SRGAP3: variants seen among roughly 807,000 people sequenced by gnomAD.
SRGAP3 encodes SLIT-ROBO Rho GTPase-activating protein 3.
Under a neutral mutation model 121.1 loss-of-function variants are expected in SRGAP3, and 39 were observed. The ratio of observed to expected loss-of-function variants is 0.32; its 90% CI spans 0.25 to 0.42. The LOEUF (loss-of-function observed/expected upper bound fraction) is 0.42. Among genes scored for constraint, SRGAP3 ranks in the 10% least tolerant of loss-of-function variants. SRGAP3 has a pLI of 1.00. For synonymous variants in SRGAP3, 601 were observed against 570.0 expected (o/e 1.05, Z -0.77); for missense variants, 1,213 against 1,470.6 (o/e 0.82, Z 2.86).
Position 9,106,669 on chromosome 3 carries a change from T to C in SRGAP3, c.261-1827A>G, listed in dbSNP as rs150143628. Among the ~76,000 whole-genome samples, 3 of 152,242 alleles carry C rather than the reference T, an allele frequency of 2.0e-5. No homozygotes were observed. The East Asian group carries it at 5.8e-4, about 29-fold the overall frequency. On this transcript the variant is annotated intron_variant, in intron 2 of 21. Transcript: ENST00000383836. The stretch of plus-strand genomic sequence containing the variant: ...GCTTATCAGGGGTTTCTGCTTTTGC[T>C]TCCTCCTCATTTTCTCTTGCCACCA...
intron 3 of SRGAP3, among the ~76,000 whole-genome samples, chr3:9,095,225 C>T (rs1947920770): frequency 2.0e-5 from 3 of 151,846 alleles, no homozygotes; most frequent in African/African-American, 7.3e-5. Context: ...ATATCTTCTC[C>T]TTGTCTTGGC....
intron 8 of SRGAP3, among the ~76,000 whole-genome samples, chr3:9,055,226 G>A (rs947473635): frequency 4.6e-5 from 7 of 152,152 alleles, no homozygotes; most frequent in African/African-American, 1.4e-4. Context: ...ATTTGTCCTA[G>A]GTCTGTCCTT....
chr3:9,261,202 C>T (rs1954249035), intron 3 of SRGAP3, among the ~76,000 whole-genome samples: 1 of 152,160 alleles, frequency 6.6e-6, no homozygotes, highest in Non-Finnish European at 1.5e-5. Flanking sequence ...AGGTCACCAA[C>T]ATCAAAGGCC....
intron 4 of SRGAP3, among the ~76,000 whole-genome samples, chr3:9,070,340 C>A (rs1413389294): frequency 1.2e-5 from 1 of 86,344 alleles, no homozygotes; most frequent in Non-Finnish European, 3.4e-5. Context: ...CAGTGGCTCA[C>A]TGCTTCCAGC....
intron 1 of SRGAP3, among the ~76,000 whole-genome samples, chr3:9,360,776 A>T (rs1382910192): frequency 1.3e-5 from 2 of 152,218 alleles, no homozygotes; most frequent in African/African-American, 2.4e-5. Flanking sequence ...TGATTCAATC[A>T]TCTCCCACTG....
chr3:9,349,977 AG>A (rs1454341956), intron 1 of SRGAP3: 1 of 152,062 alleles, frequency 6.6e-6, no homozygotes, highest in Non-Finnish European at 1.5e-5. Flanking sequence ...ATCATGTTCT[AG>A]TTGCTTGGCC....
intron 21 of SRGAP3, 147 bp downstream of exon 21, chr3:8,990,365 A>C (rs946097158): frequency 3.8e-6 from 4 of 1,041,404 alleles, no homozygotes; most frequent in Non-Finnish European, 4.2e-6. Context: ...AAGCCCAGCA[A>C]GGGACGGGGA....
At chr3:9,018,870 C>T (rs1219893098) in intron 14 of SRGAP3, among the ~76,000 whole-genome samples, 1 of 152,164 alleles carries the variant, frequency 6.6e-6, no homozygotes, top group East Asian at 1.9e-4. Flanking sequence ...ACCTTTTAAC[C>T]ATTTTCATTC....
chr3:9,299,414 C>T (rs369934914), intron 3 of SRGAP3, among the ~76,000 whole-genome samples: 2 of 151,606 alleles, frequency 1.3e-5, no homozygotes, highest in African/African-American at 4.8e-5. Flanking sequence ...TAGTAGACAT[C>T]CAGCCCCAAC....
At position 9,024,840 on chromosome 3, in the gene SRGAP3, A is replaced by T. The variant is rs1023121605; in HGVS notation, c.1678+421T>A. Among the ~76,000 whole-genome samples the T allele has an allele frequency of 1.2e-4, 18 of 152,200 alleles. No homozygotes were observed. The South Asian group carries it at 1.2e-3, about 11-fold the overall frequency. ...TAGCATCATTTACAGATTCATATGAATATTCCAGAGCTCTTTACAAGGTGC... is the reference window on the plus strand; with the variant it reads ...TAGCATCATTTACAGATTCATATGATTATTCCAGAGCTCTTTACAAGGTGC... On this transcript the variant is annotated intron_variant, in intron 14 of 21. Coordinates refer to ENST00000383836, the MANE Select transcript of SRGAP3 (RefSeq NM_014850.4).
At position 9,168,256 on chromosome 3, in the gene SRGAP3, C is replaced by G. The variant is rs145601218; in HGVS notation, c.68-43339G>C. ...GCCCTCTCCAGTCCTTTGCTTGGAT[C>G]TGGACAAACTCAGACATTTCATCCT... On this transcript the variant is annotated intron_variant, in intron 1 of 21. Coordinates refer to ENST00000383836, the MANE Select transcript of SRGAP3 (RefSeq NM_014850.4). Among the ~76,000 whole-genome samples, 605 of 152,366 alleles carry G rather than the reference C, an allele frequency of 4.0e-3. 5 individuals are homozygous for G. Among genetic ancestry groups the G allele is most frequent in the African/African-American group, 0.014 (575 of 41,584 alleles).
intron 3 of SRGAP3, among the ~76,000 whole-genome samples, chr3:9,097,640 C>T (rs1272975200): frequency 1.3e-5 from 2 of 152,242 alleles, no homozygotes; most frequent in Admixed American, 6.5e-5. Flanking sequence ...TGACGCACCA[C>T]TCAGATCCCC....
chr3:9,144,790 A>C (rs1038427710), intron 1 of SRGAP3, among the ~76,000 whole-genome samples: 2 of 152,134 alleles, frequency 1.3e-5, no homozygotes, highest in African/African-American at 2.4e-5. Flanking sequence ...CAGCGTGAAA[A>C]CAGACTAATA....
intron 10 of SRGAP3, among the ~76,000 whole-genome samples, chr3:9,039,152 C>T (rs1944906379): frequency 6.6e-6 from 1 of 152,188 alleles, no homozygotes; most frequent in African/African-American, 2.4e-5. Flanking sequence ...CCTTATCGTA[C>T]CTGACCTCTC....
intron 4 of SRGAP3, among the ~76,000 whole-genome samples, chr3:9,073,616 C>T (rs1392457493): frequency 1.3e-5 from 2 of 152,190 alleles, no homozygotes; most frequent in Non-Finnish European, 2.9e-5. Flanking sequence ...CTAAGACGGG[C>T]GTGGTCATAA....
chr3:9,301,410 T>A (rs1387541665), intron 3 of SRGAP3, among the ~76,000 whole-genome samples: 1 of 152,236 alleles, frequency 6.6e-6, no homozygotes, highest in African/African-American at 2.4e-5. Context: ...AAGGTGGCCC[T>A]TAAAGGCTCC....
chr3:9,112,544 G>A (rs1948668062), intron 2 of SRGAP3, among the ~76,000 whole-genome samples: 1 of 152,170 alleles, frequency 6.6e-6, no homozygotes, highest in Non-Finnish European at 1.5e-5. Context: ...AAAATCAATA[G>A]AAAATGGCAG....
At chr3:9,195,081 C>A (rs568396534) in intron 1 of SRGAP3, among the ~76,000 whole-genome samples, 1 of 152,230 alleles carries the variant, frequency 6.6e-6, no homozygotes, top group African/African-American at 2.4e-5. Flanking sequence ...ATGGCCGACT[C>A]CAAGCTCCCA....
At chr3:9,092,466 C>T (rs1015031621) in intron 3 of SRGAP3, among the ~76,000 whole-genome samples, 5 of 152,050 alleles carry the variant, frequency 3.3e-5, no homozygotes, top group Admixed American at 1.3e-4. Flanking sequence ...GAGACAATAC[C>T]TCATGTAAGC....
Sources: gnomAD v4.1 joint callset for allele counts (sites outside exome capture counted in the v4.1 genomes callset) on GRCh38, gnomAD v4.1.1 for gene constraint, MANE v1.5 for transcripts, NCBI Gene and HGNC (gene_info 2026-07-23, HGNC 2026-07-21) for gene names.